CTTNBP2: variants seen among roughly 807,000 people sequenced by gnomAD.
CTTNBP2 encodes cortactin-binding protein 2.
CTTNBP2 carries 108 observed loss-of-function variants against 156.9 expected under a neutral mutation model. The observed-to-expected ratio is 0.69, with a 90% CI of 0.59 to 0.81. The LOEUF (loss-of-function observed/expected upper bound fraction) is 0.81. CTTNBP2 is among the 30% of genes least tolerant of loss of function. The pLI is 0.00. For synonymous variants in CTTNBP2, 767 were observed against 751.8 expected (o/e 1.02, Z -0.33); for missense variants, 1,924 against 2,035.4 (o/e 0.95, Z 1.05).
At chr7:117,786,258 G>T in intron 4 of CTTNBP2, 1 of 238,900 alleles carries the variant, frequency 4.2e-6, no homozygotes, top group Non-Finnish European at 8.5e-6. Flanking sequence ...ACCCTATTAG[G>T]ACTACATGTA....
In CTTNBP2 at chr7:117,792,506, T is replaced by C. The variant is rs763599602; in HGVS notation, c.690A>G (p.Gln230=). 1.2e-6 allele frequency: 2 copies of C among 1,614,120 alleles called. No homozygotes were observed. Among genetic ancestry groups the C allele is most frequent in the South Asian group, 2.2e-5 (2 of 91,080 alleles). The part of the protein sequence containing the change: ...STEMEAQMEK[Q]LSEFDTEREQ... ...CCCGCTCAGTGTCAAACTCAGAGAG[T>C]TGTTTTTCCATCTGAGCTTCCATTT... The change falls in exon 4 of 23, where the codon CAA becomes CAG. Residue 230 remains glutamine, a synonymous_variant. Transcript: ENST00000160373. The surrounding 1 kb of genome is among the most constrained non-coding windows in gnomAD (Gnocchi z 4.2).
chr7:117,791,999 G>A lies in CTTNBP2; in HGVS notation c.1197C>T (p.Pro399=). ...GAGGGGCAGCGTTACTGGGAAGTGG[G>A]GGTGTGCTACTGGTTGGATCTGGTG... ...GSTPDPTSST[P]PLPSNAAPPT... The change falls in exon 4 of 23, where the codon CCC becomes CCT. Residue 399 remains proline, a synonymous_variant. Transcript: ENST00000160373. The A allele has an allele frequency of 6.2e-7, 1 of 1,614,102 alleles. No individual in the cohort carries two copies. Among genetic ancestry groups the A allele is most frequent in the Non-Finnish European group, 8.5e-7 (1 of 1,180,026 alleles).
intron 9 of CTTNBP2, among the ~76,000 whole-genome samples, chr7:117,761,683 ACCTT>A (rs957542299): frequency 6.6e-6 from 1 of 152,230 alleles, no homozygotes; most frequent in Non-Finnish European, 1.5e-5. Context: ...GACAGGTATT[ACCTT>A]TAGTTTGCTT....
chr7:117,790,676 T>C (rs1314197454), intron 4 of CTTNBP2, among the ~76,000 whole-genome samples: 1 of 152,054 alleles, frequency 6.6e-6, no homozygotes, highest in Non-Finnish European at 1.5e-5. Context: ...TCTAGTCAAT[T>C]TGGTAATCCA....
intron 14 of CTTNBP2, among the ~76,000 whole-genome samples, chr7:117,739,479 C>G (rs1340666625): frequency 6.6e-6 from 1 of 152,318 alleles, no homozygotes; most frequent in East Asian, 1.9e-4. Context: ...TCTCTCAGCC[C>G]TGCTCCTCTC....
At position 117,721,653 on chromosome 7, in the gene CTTNBP2, T is replaced by C. The variant is rs947849585; in HGVS notation, c.4448-523A>G. Among the ~76,000 whole-genome samples, 6 of 152,230 alleles carry C rather than the reference T, an allele frequency of 3.9e-5. No individual in the cohort carries two copies. In the East Asian group the frequency reaches 9.6e-4, roughly 24 times the overall value. ...TTTGCATTATACAGAAGAGAAAATA[T>C]GAACAGGGTACAAAAAGTCATAGAA... On this transcript the variant is annotated intron_variant, in intron 19 of 22. Coordinates refer to ENST00000160373, the MANE Select transcript of CTTNBP2 (RefSeq NM_033427.3).
intron 2 of CTTNBP2, among the ~76,000 whole-genome samples, chr7:117,840,625 G>A (rs757213630): frequency 1.4e-4 from 21 of 152,150 alleles, no homozygotes; most frequent in African/African-American, 9.7e-5. Context: ...AAGCACATAC[G>A]CATTTGTGAT....
At chr7:117,836,772 C>T (rs768641261) in intron 2 of CTTNBP2, among the ~76,000 whole-genome samples, 6 of 152,246 alleles carry the variant, frequency 3.9e-5, no homozygotes, top group Non-Finnish European at 8.8e-5. Context: ...GCCTCATAAT[C>T]ATGGCAGCAG....
At chr7:117,853,961 T>C (rs1803095403) in intron 2 of CTTNBP2, among the ~76,000 whole-genome samples, 1 of 152,216 alleles carries the variant, frequency 6.6e-6, no homozygotes, top group South Asian at 2.1e-4. Flanking sequence ...GTTTGTTTTT[T>C]ACTAATGGTA....
chr7:117,823,494 C>A (rs182514728), intron 2 of CTTNBP2, among the ~76,000 whole-genome samples: 1 of 152,026 alleles, frequency 6.6e-6, no homozygotes, highest in Non-Finnish European at 1.5e-5. Context: ...CCTCACTTGC[C>A]TAATTTTCTT....
At chr7:117,786,205 T>G (rs1442819760) in intron 4 of CTTNBP2, among the ~76,000 whole-genome samples, 11 of 152,198 alleles carry the variant, frequency 7.2e-5, no homozygotes, top group Non-Finnish European at 1.5e-4. Context: ...TATTATATCT[T>G]TATAATCAAT....
chr7:117,794,598 C>T (rs1462875886), intron 3 of CTTNBP2, among the ~76,000 whole-genome samples: 2 of 152,232 alleles, frequency 1.3e-5, no homozygotes, highest in African/African-American at 4.8e-5. Context: ...TTTCCCCTCA[C>T]AGTCAGTCAT....
intron 1 of CTTNBP2, among the ~76,000 whole-genome samples, chr7:117,864,158 TTC>T (rs1310119866): frequency 6.6e-6 from 1 of 152,116 alleles, no homozygotes; most frequent in African/African-American, 2.4e-5. Context: ...CAGCTAAAAC[TTC>T]TGTTTTTCTA....
intron 22 of CTTNBP2, chr7:117,712,281 A>G (rs921701881): frequency 6.5e-6 from 1 of 152,726 alleles, no homozygotes; most frequent in Non-Finnish European, 1.5e-5. Flanking sequence ...ATCTATGGTT[A>G]GGCCACTCAA....
At chr7:117,866,319 C>G (rs912501379) in intron 1 of CTTNBP2, among the ~76,000 whole-genome samples, 4 of 152,082 alleles carry the variant, frequency 2.6e-5, no homozygotes, top group African/African-American at 7.2e-5. Context: ...ATTAGTGGAA[C>G]CAACCAACAG....
intron 2 of CTTNBP2, among the ~76,000 whole-genome samples, chr7:117,849,788 T>C (rs1262890431): frequency 6.6e-6 from 1 of 152,238 alleles, no homozygotes; most frequent in Non-Finnish European, 1.5e-5. Flanking sequence ...CTCTTTTCTC[T>C]GGGCTTTACT....
At chr7:117,800,452 T>A (rs1799549728) in intron 3 of CTTNBP2, among the ~76,000 whole-genome samples, 1 of 152,082 alleles carries the variant, frequency 6.6e-6, no homozygotes, top group Non-Finnish European at 1.5e-5. Flanking sequence ...CATGTATGCA[T>A]TTTCAAAACT....
intron 9 of CTTNBP2, among the ~76,000 whole-genome samples, chr7:117,764,113 C>A (rs1314951943): frequency 3.9e-5 from 6 of 152,030 alleles, no homozygotes; most frequent in African/African-American, 1.5e-4. Context: ...TACTAGGTAC[C>A]AGTCATGCTC....
intron 14 of CTTNBP2, among the ~76,000 whole-genome samples, chr7:117,743,269 A>G (rs536355232): frequency 7.9e-5 from 12 of 152,332 alleles, no homozygotes; most frequent in African/African-American, 2.9e-4. Flanking sequence ...AGCACAAAAT[A>G]CTTTAGCTTC....
Sources: gnomAD v4.1 joint callset for allele counts (sites outside exome capture counted in the v4.1 genomes callset) on GRCh38, gnomAD v4.1.1 for gene constraint, Gnocchi (gnomAD v3.1) non-coding constraint, MANE v1.5 for transcripts, NCBI Gene and HGNC (gene_info 2026-07-23, HGNC 2026-07-21) for gene names.